The following DPP10 variants were observed in gnomAD, a reference collection of about 807,000 sequenced individuals.
DPP10 encodes the protein inactive dipeptidyl peptidase 10.
Under a neutral mutation model 120.9 loss-of-function variants are expected in DPP10, and 33 were observed. The observed-to-expected ratio is 0.27, with a 90% confidence interval of 0.21 to 0.37. DPP10 has a LOEUF of 0.37. Ranked by LOEUF, DPP10 falls within the 10% of genes least tolerant of loss-of-function variation. The pLI, the probability that DPP10 is intolerant of heterozygous loss-of-function variation, is 1.00. For missense variants in DPP10, 816 were observed against 942.8 expected, an observed-to-expected ratio of 0.87 and a Z score of 1.76; for synonymous variants, 337 against 326.1, an observed-to-expected ratio of 1.03 and a Z score of -0.36.
intron 5 of DPP10, among the ~76,000 whole-genome samples, chr2:115,611,604 G>A (rs182717103): frequency 3.9e-5 from 6 of 152,012 alleles, no homozygotes; most frequent in Admixed American, 6.6e-5. Context: ...GATTTCCTCC[G>A]TGCTTCATCT....
chr2:115,632,264 G>A (rs1161768027), intron 5 of DPP10, among the ~76,000 whole-genome samples: 1 of 152,088 alleles, frequency 6.6e-6, no homozygotes, highest in Admixed American at 6.6e-5. Context: ...CCATTTGCTT[G>A]TTAAATTTTC....
intron 1 of DPP10, 32 bp downstream of exon 1, chr2:114,442,870 C>T: frequency 6.2e-7 from 1 of 1,611,562 alleles, no homozygotes; most frequent in Non-Finnish European, 8.5e-7. Flanking sequence ...TGCTTCTGCA[C>T]ATGTGTCTTC....
rs564329492 is a variant in DPP10 at position 115,148,090 on chromosome 2, C to A, written c.61-161149C>A. 1.4e-3 allele frequency among the ~76,000 whole-genome samples: 210 copies of A among 152,240 alleles called. 2 individuals carry two copies. The highest frequency in any genetic ancestry group is 4.8e-3 in the African/African-American group (198 of 41,554). On this transcript the variant is annotated intron_variant, in intron 1 of 25. Transcript: ENST00000410059. ...TGAGTACTACAGTCTTTTAAACAAGCCTGTCACTGAGTTCACAAAGGCAAG... is the reference window on the plus strand; with the variant it reads ...TGAGTACTACAGTCTTTTAAACAAGACTGTCACTGAGTTCACAAAGGCAAG...
intron 1 of DPP10, among the ~76,000 whole-genome samples, chr2:114,491,579 G>A (rs1284071762): frequency 1.3e-5 from 2 of 152,092 alleles, no homozygotes; most frequent in East Asian, 3.9e-4. Flanking sequence ...CAGTTTCCTT[G>A]CACACTAGCA....
intron 1 of DPP10, among the ~76,000 whole-genome samples, chr2:114,887,483 A>T (rs1692171024): frequency 6.6e-6 from 1 of 152,218 alleles, no homozygotes; most frequent in South Asian, 2.1e-4. Context: ...CTTAAAAGTG[A>T]GGTTAGTGTC....
intron 1 of DPP10, among the ~76,000 whole-genome samples, chr2:114,883,509 A>G (rs1171829916): frequency 6.6e-6 from 1 of 152,184 alleles, no homozygotes; most frequent in Non-Finnish European, 1.5e-5. Flanking sequence ...ATTGTTAACC[A>G]TTGAAACATG....
intron 1 of DPP10, among the ~76,000 whole-genome samples, chr2:114,974,125 G>A (rs571156004): frequency 6.6e-6 from 1 of 152,262 alleles, no homozygotes; most frequent in South Asian, 2.1e-4. Flanking sequence ...TAAAGCCTAG[G>A]TGTGCAGTGT....
At chr2:115,344,822 C>A (rs914746665) in intron 3 of DPP10, among the ~76,000 whole-genome samples, 1 of 152,082 alleles carries the variant, frequency 6.6e-6, no homozygotes, top group Non-Finnish European at 1.5e-5. Context: ...GGCATAATAT[C>A]TTTGCTAATT....
intron 1 of DPP10, among the ~76,000 whole-genome samples, chr2:115,249,263 T>C (rs1023462385): frequency 2.6e-5 from 4 of 152,118 alleles, no homozygotes; most frequent in Admixed American, 6.6e-5. Flanking sequence ...GGGTAAATTA[T>C]TGAAGGTGTT....
At chr2:114,647,425 C>A (rs746941024) in intron 1 of DPP10, among the ~76,000 whole-genome samples, 6 of 152,050 alleles carry the variant, frequency 3.9e-5, no homozygotes, top group Non-Finnish European at 5.9e-5. Context: ...CTGAAAATAC[C>A]AGAGCTATTT....
chr2:114,465,689 A>AT (rs1199924262), intron 1 of DPP10, among the ~76,000 whole-genome samples: 1 of 152,328 alleles, frequency 6.6e-6, no homozygotes, highest in Non-Finnish European at 1.5e-5. Context: ...TAATAGAAGT[A>AT]TTTTTTGCTT....
At chr2:114,782,189 A>G (rs319846) in intron 1 of DPP10, among the ~76,000 whole-genome samples, 72,853 of 151,652 alleles carry the variant, frequency 0.48, 18,658 homozygotes, top group African/African-American at 0.64. Flanking sequence ...CATACTAGTC[A>G]TGAGAATGGA....
intron 8 of DPP10, among the ~76,000 whole-genome samples, chr2:115,733,967 A>G (rs763743220): frequency 9.2e-5 from 14 of 152,360 alleles, no homozygotes; most frequent in Non-Finnish European, 2.1e-4. Flanking sequence ...ATCCATGAGT[A>G]AATGTGCCCA....
chr2:115,509,248 C>T (rs545803687), intron 4 of DPP10, among the ~76,000 whole-genome samples: 9 of 152,150 alleles, frequency 5.9e-5, no homozygotes, highest in Admixed American at 5.9e-4. Flanking sequence ...AGCAAATGGA[C>T]TTAGGCAGTG....
At chr2:115,726,234 C>T (rs913401812) in intron 7 of DPP10, among the ~76,000 whole-genome samples, 2 of 152,136 alleles carry the variant, frequency 1.3e-5, no homozygotes, top group Non-Finnish European at 2.9e-5. Flanking sequence ...CTCTACCAGA[C>T]AAAACGTTGG....
At chr2:114,820,934 C>G (rs2102901) in intron 1 of DPP10, among the ~76,000 whole-genome samples, 24,753 of 151,932 alleles carry the variant, frequency 0.16, 2,300 homozygotes, top group African/African-American at 0.26. Flanking sequence ...TCTTCATCTT[C>G]AGTCAAATTA....
At chr2:114,654,044 A>G (rs1229431852) in intron 1 of DPP10, among the ~76,000 whole-genome samples, 1 of 152,150 alleles carries the variant, frequency 6.6e-6, no homozygotes, top group African/African-American at 2.4e-5. Context: ...TTAGTGTTCA[A>G]TCTTACTATG....
At chr2:114,814,481 A>T (rs1685454140) in intron 1 of DPP10, among the ~76,000 whole-genome samples, 1 of 152,126 alleles carries the variant, frequency 6.6e-6, no homozygotes. Flanking sequence ...AAAAAGTAAC[A>T]ATAAGTATCT....
At chr2:114,536,042 C>T (rs6707377) in intron 1 of DPP10, among the ~76,000 whole-genome samples, 36,316 of 151,810 alleles carry the variant, frequency 0.24, 4,623 homozygotes, top group Non-Finnish European at 0.29. Context: ...AGGTTGGATG[C>T]CTCTAGGAAT....
Sources: allele counts gnomAD v4.1 joint callset (sites outside exome capture counted in the v4.1 genomes callset), GRCh38; gene constraint gnomAD v4.1.1; transcripts MANE v1.5; gene names NCBI Gene and HGNC (gene_info 2026-07-23, HGNC 2026-07-21).